Variants in GNPDA1 observed in about 807,000 individuals in gnomAD.
GNPDA1 encodes the protein glucosamine-6-phosphate deaminase 1.
A neutral mutation model predicts 28.5 loss-of-function variants in GNPDA1; 24 were observed. The ratio of observed to expected loss-of-function variants is 0.84; its 90% CI spans 0.61 to 1.19. The LOEUF is 1.19. Ranked by LOEUF, GNPDA1 falls within the 50% of genes most tolerant of loss-of-function variation. GNPDA1 has a pLI of 0.00. For synonymous variants in GNPDA1, 147 were observed against 139.3 expected (o/e 1.06, Z -0.39); for missense variants, 264 against 367.3 (o/e 0.72, Z 2.30).
intron 4 of GNPDA1, chr5:142,005,337 C>T: frequency 4.7e-6 from 2 of 424,850 alleles, no homozygotes; most frequent in Non-Finnish European, 4.3e-6. Context: ...AGACCCTCCC[C>T]ATCATGTCTA....
intron 6 of GNPDA1, among the ~76,000 whole-genome samples, 199 bp from the exon 7 acceptor site, chr5:142,002,328 T>G (rs922004841): frequency 6.6e-6 from 1 of 152,194 alleles, no homozygotes; most frequent in African/African-American, 2.4e-5. Flanking sequence ...ATGGAACTTT[T>G]ATAAATTCAA....
At chr5:142,006,367 C>T in intron 3 of GNPDA1, 41 bp from the exon 4 acceptor site, 1 of 1,461,344 alleles carries the variant, frequency 6.8e-7, no homozygotes, top group South Asian at 1.2e-5. Flanking sequence ...TAGGCCAAGC[C>T]AAAGCCCCTC....
intron 1 of GNPDA1, 101 bp from the exon 2 acceptor site, chr5:142,012,142 C>T (rs542852234): frequency 1.3e-4 from 158 of 1,242,608 alleles, no homozygotes; most frequent in Non-Finnish European, 1.7e-4. Context: ...GCAACAATCC[C>T]CTTCCCAAGC....
At chr5:142,010,170 T>C (rs1470473275) in intron 2 of GNPDA1, among the ~76,000 whole-genome samples, 1 of 150,656 alleles carries the variant, frequency 6.6e-6, no homozygotes, top group African/African-American at 2.4e-5. Context: ...CCTTTATTTT[T>C]TATTTTTTTA....
intron 2 of GNPDA1, among the ~76,000 whole-genome samples, chr5:142,008,630 G>C (rs1755864831): frequency 6.6e-6 from 1 of 152,096 alleles, no homozygotes. Context: ...GGGAGGCTGA[G>C]GCACAAGAAT....
At position 142,006,233 on chromosome 5, in the gene GNPDA1, A is replaced by G. The variant is rs766897169; in HGVS notation, c.320T>C (p.Leu107Pro). 1.1e-5 allele frequency: 17 copies of G among 1,613,936 alleles called. No individual in the cohort carries two copies. The highest frequency in any genetic ancestry group is 1.4e-5 in the Non-Finnish European group (16 of 1,179,904). Residue 107 changes from leucine to proline, a missense_variant, in exon 4 of 7, where the codon CTG becomes CCG. Coordinates refer to ENST00000311337, the MANE Select transcript of GNPDA1 (RefSeq NM_005471.5). ...IDIHPENTHILDGNAVDLQAE... is the reference protein window; with the variant it reads ...IDIHPENTHIPDGNAVDLQAE... ...CTGTAGGTCGACTGCATTCCCATCC[A>G]GAATGTGGGTGTTTTCTGGGTGGAT... is the stretch of plus-strand genomic sequence containing the variant.
intron 2 of GNPDA1, among the ~76,000 whole-genome samples, chr5:142,011,656 G>T (rs1158147370): frequency 6.6e-6 from 1 of 152,184 alleles, no homozygotes; most frequent in Non-Finnish European, 1.5e-5. Context: ...GACTTAGGAT[G>T]TAGCCTAAAA....
chr5:142,012,690 G>A, intron 1 of GNPDA1: 1 of 969,486 alleles, frequency 1.0e-6, no homozygotes, highest in Non-Finnish European at 1.2e-6. Context: ...AACCCCTCTG[G>A]GTCTTCAGTT....
intron 6 of GNPDA1, 26 bp from the exon 7 acceptor site, chr5:142,002,155 A>ACTTTTT: frequency 8.2e-7 from 1 of 1,217,272 alleles, no homozygotes; most frequent in Non-Finnish European, 1.2e-6. Flanking sequence ...AACAAAAAGT[A>ACTTTTT]GTTAATTCAG....
chr5:142,005,547 A>G (rs1334346600), intron 4 of GNPDA1: 1 of 163,952 alleles, frequency 6.1e-6, no homozygotes, highest in African/African-American at 2.4e-5. Flanking sequence ...GGGGCTGCCA[A>G]GGTTCTAAAA....
Position 142,006,181 on chromosome 5 carries a change from C to T in GNPDA1, c.372G>A (p.Lys124=). 1 of 1,614,040 alleles carries T rather than the reference C, an allele frequency of 6.2e-7. No homozygotes were observed. The highest frequency in any genetic ancestry group is 1.1e-5 in the South Asian group (1 of 91,070). ...LQAECDAFEE[K]IKAAGGIELF... ...GCTCGATCCCACCTGCAGCCTTGATCTTCTCTTCAAAGGCATCACATTCTG... is the reference window on the plus strand; with the variant it reads ...GCTCGATCCCACCTGCAGCCTTGATTTTCTCTTCAAAGGCATCACATTCTG... Residue 124 remains lysine (K), a synonymous_variant, in exon 4 of 7, where the codon AAG becomes AAA. Transcript: ENST00000311337.
chr5:142,008,019 C>T (rs1269063681), intron 2 of GNPDA1, 119 bp from the exon 3 acceptor site: 3 of 667,234 alleles, frequency 4.5e-6, no homozygotes, highest in Non-Finnish European at 5.4e-6. Flanking sequence ...GAAGTCCTAC[C>T]CAGTACTCCA....
In GNPDA1 at chr5:142,003,159, G is replaced by A. The variant is rs539324269; in HGVS notation, c.698C>T (p.Pro233Leu). The A allele has an allele frequency of 6.2e-7, 1 of 1,614,132 alleles. No individual in the cohort carries two copies. Among genetic ancestry groups the A allele is most frequent in the Non-Finnish European group, 8.5e-7 (1 of 1,180,010 alleles). Residue 233 changes from proline to leucine, a missense_variant, in exon 6 of 7, where the codon CCC becomes CTC. Coordinates refer to ENST00000311337, the MANE Select transcript of GNPDA1 (RefSeq NM_005471.5). The surrounding 1 kb of genome is among the most constrained non-coding windows in gnomAD (Gnocchi z 4.0). ...MWTVSAFQQH[P>L]RTVFVCDEDA... Reference sequence around the variant, plus strand: ...CTCGTCACACACAAACACGGTGCGGGGATGCTGCTGGAAGGCAGACACGGT... The same window carrying A: ...CTCGTCACACACAAACACGGTGCGGAGATGCTGCTGGAAGGCAGACACGGT...
intron 2 of GNPDA1, among the ~76,000 whole-genome samples, chr5:142,010,513 T>C (rs1369424668): frequency 2.2e-5 from 1 of 46,076 alleles, no homozygotes; most frequent in Admixed American, 3.2e-4. Context: ...TTTTCTTTCT[T>C]TTTTTTTTTT....
intron 2 of GNPDA1, among the ~76,000 whole-genome samples, chr5:142,011,352 T>A (rs575500061): frequency 1.3e-5 from 2 of 152,210 alleles, no homozygotes; most frequent in Non-Finnish European, 2.9e-5. Flanking sequence ...CCCATCCATC[T>A]CTGAAAGAAA....
chr5:142,006,319 A>C lies in GNPDA1; in HGVS notation c.234T>G (p.Pro78=). 1 of 1,612,626 alleles carries C rather than the reference A, an allele frequency of 6.2e-7. No homozygotes were observed. The highest frequency in any genetic ancestry group is 8.5e-7 in the Non-Finnish European group (1 of 1,179,296). ...TFNMDEYVGL[P]RDHPESYHSF... ...AGTGGTAACTCTCCGGGTGGTCTCG[A>C]GGAAGGCCTGTGGGGCCGTGAGACA... The change falls in exon 4 of 7, where the codon CCT becomes CCG. Residue 78 remains proline, a synonymous_variant. Transcript: ENST00000311337.
Position 142,006,277 on chromosome 5 carries a change from G to T in GNPDA1, c.276C>A (p.Asn92Lys). ...PESYHSFMWN[N>K]FFKHIDIHPE... ...GGTGGATGTCAATGTGCTTGAAGAAGTTGTTCCACATGAAGGAGTGGTAAC... is the reference window on the plus strand; with the variant it reads ...GGTGGATGTCAATGTGCTTGAAGAATTTGTTCCACATGAAGGAGTGGTAAC... Residue 92 changes from asparagine (N) to lysine (K), a missense_variant, in exon 4 of 7, where the codon AAC becomes AAA. Coordinates refer to ENST00000311337, the MANE Select transcript of GNPDA1 (RefSeq NM_005471.5). The T allele has an allele frequency of 6.2e-7, 1 of 1,614,080 alleles. No individual in the cohort carries two copies. The highest frequency in any genetic ancestry group is 2.2e-5 in the East Asian group (1 of 44,890).
rs1028763281 is a variant in GNPDA1, at chr5:142,011,897, C to T, written c.124+15G>A. The T allele has an allele frequency of 6.2e-7, 1 of 1,613,858 alleles. No individual in the cohort carries two copies. Among genetic ancestry groups the T allele is most frequent in the Non-Finnish European group, 8.5e-7 (1 of 1,179,726 alleles). ...CCACCCTTATCCACGGCACCCTCTC[C>T]ATCCAAGAACGCACCAGTGGGGAGC... On this transcript the variant is annotated intron_variant, in intron 2 of 6. Coordinates refer to ENST00000311337, the MANE Select transcript of GNPDA1 (RefSeq NM_005471.5).
chr5:142,002,440 A>G (rs1026252491), intron 6 of GNPDA1, among the ~76,000 whole-genome samples: 2 of 152,208 alleles, frequency 1.3e-5, no homozygotes, highest in African/African-American at 4.8e-5. Flanking sequence ...GTTTGCCTAA[A>G]GCAGTGTGCA....
Sources: gnomAD v4.1 joint callset for allele counts (sites outside exome capture counted in the v4.1 genomes callset) on GRCh38, gnomAD v4.1.1 for gene constraint, Gnocchi (gnomAD v3.1) non-coding constraint, MANE v1.5 for transcripts, NCBI Gene and HGNC (gene_info 2026-07-23, HGNC 2026-07-21) for gene names.